DOCK8: variants seen among roughly 807,000 people sequenced by gnomAD.
DOCK8 encodes the protein dedicator of cytokinesis protein 8.
DOCK8 carries 141 observed loss-of-function variants against 245.6 expected under a neutral mutation model. The observed-to-expected ratio is 0.57, with a 90% CI of 0.50 to 0.66. The LOEUF is 0.66. DOCK8 is among the 30% of genes least tolerant of loss of function. The pLI is 0.00. For missense variants in DOCK8, 2,965 were observed against 2,603.4 expected (o/e 1.14, Z -3.02); for synonymous variants, 1,168 against 970.2 (o/e 1.20, Z -3.79).
rs60738310 is a variant in DOCK8, at chr9:395,531, T to TTAGTAGTAGTAG, written c.2971-1230_2971-1219dup. On this transcript the variant is annotated intron_variant, in intron 24 of 47. Transcript: ENST00000432829. Reference sequence around the variant, plus strand: ...GTGGGTGGTTCAACTTCCAGTGCCATTAGTAGTAGTAGTAGTAGTAGTAGT... The same window carrying TTAGTAGTAGTAG: ...GTGGGTGGTTCAACTTCCAGTGCCATTAGTAGTAGTAGTAGTAGTAGTAGTAGTAGTAGTAGT... Among the ~76,000 whole-genome samples, 978 of 149,458 alleles carry TTAGTAGTAGTAG rather than the reference T, an allele frequency of 6.5e-3. 19 individuals are homozygous for TTAGTAGTAGTAG. The highest frequency in any genetic ancestry group is 0.04 in the Admixed American group (603 of 14,918).
chr9:337,687 C>T (rs376078073), intron 12 of DOCK8, among the ~76,000 whole-genome samples: 20 of 152,136 alleles, frequency 1.3e-4, no homozygotes, highest in African/African-American at 4.3e-4. Flanking sequence ...GACTTGTCAA[C>T]GGTATAGAGA....
Position 303,062 on chromosome 9 carries a change from A to G in DOCK8, c.405-1519A>G, listed in dbSNP as rs10120948. On this transcript the variant is annotated intron_variant, in intron 4 of 47. Coordinates refer to ENST00000432829, the MANE Select transcript of DOCK8 (RefSeq NM_203447.4). ...TATACTCTCACCTACTGGGAGGCTG[A>G]GGTGGGAAGATTGCTTGAGCCTAGG... Among the ~76,000 whole-genome samples the G allele has an allele frequency of 8.8e-3, 1,337 of 152,160 alleles. 16 individuals carry two copies. Among genetic ancestry groups the G allele is most frequent in the African/African-American group, 0.031 (1,273 of 41,512 alleles).
intron 26 of DOCK8, among the ~76,000 whole-genome samples, chr9:401,493 T>C (rs778452973): frequency 6.6e-5 from 10 of 152,252 alleles, no homozygotes; most frequent in Non-Finnish European, 1.3e-4. Flanking sequence ...CTGTAGCAGC[T>C]TAGGGCCCTG....
chr9:219,291 G>A (rs577589987), intron 1 of DOCK8, among the ~76,000 whole-genome samples: 1 of 152,042 alleles, frequency 6.6e-6, no homozygotes, highest in South Asian at 2.1e-4. Context: ...CCAACATGGC[G>A]AAACCCCGTC....
intron 1 of DOCK8, among the ~76,000 whole-genome samples, chr9:222,622 A>G (rs1479223758): frequency 6.6e-6 from 1 of 152,188 alleles, no homozygotes; most frequent in Admixed American, 6.5e-5. Context: ...CCTAGGTCAG[A>G]GAGTGAACTC....
At chr9:399,779 C>A (rs927458261) in intron 26 of DOCK8, among the ~76,000 whole-genome samples, 13 of 152,004 alleles carry the variant, frequency 8.6e-5, no homozygotes, top group East Asian at 7.7e-4. Context: ...GCCATCCCCC[C>A]AGATTTTTAA....
intron 38 of DOCK8, 125 bp downstream of exon 38, chr9:434,100 T>C (rs2056813107): frequency 5.5e-6 from 4 of 731,612 alleles, no homozygotes; most frequent in Non-Finnish European, 9.7e-6. Context: ...AGCCAAATAA[T>C]ATATAGAAAT....
intron 46 of DOCK8, 99 bp downstream of exon 46, chr9:452,216 G>A: frequency 1.3e-6 from 1 of 789,664 alleles, no homozygotes; most frequent in East Asian, 3.0e-5. Flanking sequence ...TTGCTAGAAA[G>A]ACAAAGTCTC....
In DOCK8 at chr9:382,522, C is replaced by T. The variant is rs1447737704; in HGVS notation, c.2615C>T (p.Thr872Ile). The change falls in exon 22 of 48, where the codon ACT becomes ATT. Residue 872 changes from threonine (T) to isoleucine (I), a missense_variant. Physicochemically the swap from Thr to Ile is moderately conservative, Grantham distance 89 (BLOSUM62 -1). Coordinates refer to ENST00000432829, the MANE Select transcript of DOCK8 (RefSeq NM_203447.4). ...GCCTGGTGGGGTGCAGGCGCTCCCA[C>T]TGCCCTCCTAGACCCTCGGAGCTAC... ...QRDVPKSGAP[T>I]ALLDPRSYHT... 1 of 1,613,840 alleles carries T rather than the reference C, an allele frequency of 6.2e-7. No individual in the cohort carries two copies.
intron 4 of DOCK8, among the ~76,000 whole-genome samples, chr9:295,613 G>A (rs980131874): frequency 6.6e-6 from 1 of 152,172 alleles, no homozygotes. Context: ...ACTTAGTGAA[G>A]CCACTTTGCC....
intron 1 of DOCK8, among the ~76,000 whole-genome samples, chr9:261,682 C>T (rs1017199578): frequency 6.6e-6 from 1 of 152,122 alleles, no homozygotes; most frequent in Non-Finnish European, 1.5e-5. Flanking sequence ...CATGATAGAA[C>T]AGAAGTATGT....
At chr9:413,630 C>T (rs950685661) in intron 28 of DOCK8, among the ~76,000 whole-genome samples, 2 of 152,164 alleles carry the variant, frequency 1.3e-5, no homozygotes, top group East Asian at 3.8e-4. Flanking sequence ...AAAGAAGATA[C>T]AGCCATAAGA....
At chr9:410,124 T>G (rs555756424) in intron 28 of DOCK8, among the ~76,000 whole-genome samples, 48 of 152,308 alleles carry the variant, frequency 3.2e-4, no homozygotes, top group African/African-American at 1.1e-3. Context: ...ATATTTTATT[T>G]ACTTTTTATT....
intron 4 of DOCK8, among the ~76,000 whole-genome samples, chr9:298,625 G>C (rs939280130): frequency 4.3e-5 from 6 of 139,084 alleles, no homozygotes; most frequent in Non-Finnish European, 7.8e-5. Flanking sequence ...GTAAGTGTGT[G>C]TGTGTGTGTG....
At chr9:421,951 G>A in intron 32 of DOCK8, 97 bp from the exon 33 acceptor site, 1 of 1,069,838 alleles carries the variant, frequency 9.3e-7, no homozygotes, top group African/African-American at 1.6e-5. Flanking sequence ...CCGAGAAATG[G>A]TGCTGAGGCT....
At chr9:247,273 G>C (rs1563837982) in intron 1 of DOCK8, among the ~76,000 whole-genome samples, 1 of 152,032 alleles carries the variant, frequency 6.6e-6, no homozygotes, top group Non-Finnish European at 1.5e-5. Context: ...TTGCTTTAAA[G>C]TCAATTGGGG....
chr9:282,348 A>G (rs1022222596), intron 2 of DOCK8, among the ~76,000 whole-genome samples: 1 of 151,238 alleles, frequency 6.6e-6, no homozygotes, highest in Non-Finnish European at 1.5e-5. Flanking sequence ...GTTATCAGCC[A>G]GGTTTTTCAT....
chr9:397,830 A>G (rs1346843197), intron 25 of DOCK8, among the ~76,000 whole-genome samples: 3 of 152,228 alleles, frequency 2.0e-5, no homozygotes, highest in South Asian at 4.1e-4. Context: ...ATAGAATGAT[A>G]AAACAAATGT....
At chr9:235,894 C>T (rs927145575) in intron 1 of DOCK8, among the ~76,000 whole-genome samples, 6 of 152,196 alleles carry the variant, frequency 3.9e-5, no homozygotes, top group African/African-American at 1.4e-4. Flanking sequence ...ACGCATGTTG[C>T]GCTGCACCCA....
Sources: allele counts gnomAD v4.1 joint callset (sites outside exome capture counted in the v4.1 genomes callset), GRCh38; gene constraint gnomAD v4.1.1; transcripts MANE v1.5; gene names NCBI Gene and HGNC (gene_info 2026-07-23, HGNC 2026-07-21).